USP32: variants seen among roughly 807,000 people sequenced by gnomAD.
The protein encoded by USP32 is ubiquitin specific peptidase 32.
A neutral mutation model predicts 204.8 loss-of-function variants in USP32; 59 were observed. The ratio of observed to expected loss-of-function variants is 0.29; its 90% CI spans 0.23 to 0.36. USP32 has a LOEUF of 0.36. Among genes scored for constraint, USP32 ranks in the 10% least tolerant of loss-of-function variants. The pLI, the probability that USP32 is intolerant of heterozygous loss-of-function variation, is 1.00. For missense variants in USP32, 1,160 were observed against 1,946.4 expected (o/e 0.60, Z 7.60); for synonymous variants, 517 against 678.4 (o/e 0.76, Z 3.70).
intron 9 of USP32, among the ~76,000 whole-genome samples, chr17:60,262,786 AC>A: frequency 6.6e-6 from 1 of 151,954 alleles, no homozygotes; most frequent in Non-Finnish European, 1.5e-5. Flanking sequence ...CTTCTATTCT[AC>A]CCCTAGTTGT....
At chr17:60,214,955 T>TTTTG (rs113909630) in intron 16 of USP32, among the ~76,000 whole-genome samples, 181 bp from the exon 17 acceptor site, 3,715 of 151,792 alleles carry the variant, frequency 0.024, 150 homozygotes, top group African/African-American at 0.075. Flanking sequence ...CCCAAGTTCT[T>TTTTG]TTTGTTTGTT....
intron 1 of USP32, among the ~76,000 whole-genome samples, chr17:60,401,662 C>T (rs1244110186): frequency 6.6e-6 from 1 of 150,920 alleles, no homozygotes; most frequent in African/African-American, 2.4e-5. Context: ...AGGTGGATCA[C>T]TTGAGGTCAG....
chr17:60,249,899 G>C, intron 11 of USP32: 1 of 470,176 alleles, frequency 2.1e-6, no homozygotes, highest in Non-Finnish European at 3.8e-6. Context: ...ACAAATATTT[G>C]TTTCACCTCA....
At chr17:60,191,213 C>T (rs1397005348) in intron 28 of USP32, among the ~76,000 whole-genome samples, 2 of 151,682 alleles carry the variant, frequency 1.3e-5, no homozygotes. Context: ...ACCAGTCTGA[C>T]CAACATGGTG....
chr17:60,286,928 A>G (rs947925756), intron 5 of USP32, among the ~76,000 whole-genome samples: 1 of 152,108 alleles, frequency 6.6e-6, no homozygotes. Flanking sequence ...CGGGTGGATC[A>G]CTTGAGGTCA....
At chr17:60,378,777 GA>G (rs35881318) in intron 1 of USP32, among the ~76,000 whole-genome samples, 2 of 151,912 alleles carry the variant, frequency 1.3e-5, no homozygotes, top group Non-Finnish European at 2.9e-5. Flanking sequence ...AGGGGCTGGG[GA>G]AAAAAAGGGA....
chr17:60,304,928 C>A (rs1384204098), intron 2 of USP32: 1 of 152,154 alleles, frequency 6.6e-6, no homozygotes, highest in African/African-American at 2.4e-5. Flanking sequence ...CTTTAGATGA[C>A]TCCACAAGGA....
chr17:60,401,767 T>G (rs192674091), intron 1 of USP32, among the ~76,000 whole-genome samples: 1 of 151,622 alleles, frequency 6.6e-6, no homozygotes, highest in East Asian at 1.9e-4. Context: ...TGCCTATGCA[T>G]GAACTTCAGC....
intron 2 of USP32, among the ~76,000 whole-genome samples, chr17:60,302,840 A>T (rs187100777): frequency 4.6e-5 from 7 of 152,368 alleles, no homozygotes; most frequent in Admixed American, 4.6e-4. Context: ...TAAGTATTAT[A>T]GTAATCAGAA....
At chr17:60,311,933 T>C (rs1268554551) in intron 2 of USP32, among the ~76,000 whole-genome samples, 1 of 152,182 alleles carries the variant, frequency 6.6e-6, no homozygotes, top group Non-Finnish European at 1.5e-5. Context: ...CACTGTCTAA[T>C]GGATATAAGG....
intron 3 of USP32, among the ~76,000 whole-genome samples, chr17:60,296,587 T>C (rs2087435293): frequency 6.6e-6 from 1 of 152,206 alleles, no homozygotes; most frequent in South Asian, 2.1e-4. Context: ...GGTAAATATC[T>C]GTTGTTCTAA....
Position 60,181,505 on chromosome 17 carries a change from G to A in USP32, c.4367C>T (p.Pro1456Leu). 2.5e-6 allele frequency: 4 copies of A among 1,613,986 alleles called. No individual in the cohort carries two copies. The highest frequency in any genetic ancestry group is 1.7e-4 in the Middle Eastern group (1 of 6,056). Reference protein sequence around the residue: ...SRGHVLGGSQPELVTPQDHEV... With the variant: ...SRGHVLGGSQLELVTPQDHEV... ...ATGGTCCTGAGGAGTGACCAACTCT[G>A]GTTGGCTGCCCCCCAGCACATGCCC... The change falls in exon 32 of 34, where the codon CCA becomes CTA. Residue 1456 changes from proline (P) to leucine (L), a missense_variant. Physicochemically the swap from Pro to Leu is moderately conservative, Grantham distance 98. Transcript: ENST00000300896.
rs567398894 is a variant in USP32 at position 60,248,701 on chromosome 17, G to A, written c.1136+3680C>T. ...ATTTTCTATTTGGACAAGTCAGTGAGATCATACATTCCTCTAATTCTTTAA... is the reference window on the plus strand; with the variant it reads ...ATTTTCTATTTGGACAAGTCAGTGAAATCATACATTCCTCTAATTCTTTAA... On this transcript the variant is annotated intron_variant, in intron 11 of 33. Coordinates refer to ENST00000300896, the MANE Select transcript of USP32 (RefSeq NM_032582.4). Among the ~76,000 whole-genome samples, 35 of 152,228 alleles carry A rather than the reference G, an allele frequency of 2.3e-4. No homozygotes were observed. The East Asian group carries it at 6.2e-3, about 27-fold the overall frequency.
chr17:60,220,061 C>A (rs1246167829), intron 15 of USP32, among the ~76,000 whole-genome samples: 33 of 151,074 alleles, frequency 2.2e-4, no homozygotes, highest in Non-Finnish European at 4.0e-4. Flanking sequence ...AAAAAAAAAA[C>A]CCTAAGTATT....
At chr17:60,361,003 C>T (rs1027066572) in intron 1 of USP32, among the ~76,000 whole-genome samples, 1 of 152,076 alleles carries the variant, frequency 6.6e-6, no homozygotes, top group African/African-American at 2.4e-5. Context: ...GTGGCACATG[C>T]CTGTAATTCC....
At chr17:60,289,869 A>G (rs1345402771) in intron 4 of USP32, among the ~76,000 whole-genome samples, 1 of 152,218 alleles carries the variant, frequency 6.6e-6, no homozygotes, top group Non-Finnish European at 1.5e-5. Flanking sequence ...ATAATTAGTT[A>G]CCTAAAAGAA....
At chr17:60,398,448 G>C (rs781686496) in intron 1 of USP32, among the ~76,000 whole-genome samples, 5 of 152,028 alleles carry the variant, frequency 3.3e-5, no homozygotes, top group African/African-American at 4.8e-5. Context: ...TTAGTCACTG[G>C]TGTTCTGGCC....
intron 32 of USP32, 105 bp from the exon 33 acceptor site, chr17:60,180,742 G>A (rs190871629): frequency 8.5e-6 from 10 of 1,176,050 alleles, no homozygotes; most frequent in African/African-American, 4.7e-5. Flanking sequence ...TAAATGATCA[G>A]TAGGTGAAAA....
chr17:60,227,397 G>A (rs2085424120), intron 12 of USP32, among the ~76,000 whole-genome samples: 1 of 151,112 alleles, frequency 6.6e-6, no homozygotes, highest in South Asian at 2.1e-4. Context: ...AGCCTCCCGA[G>A]TAACTGGAAT....
Sources: gnomAD v4.1 joint callset for allele counts (sites outside exome capture counted in the v4.1 genomes callset) on GRCh38, gnomAD v4.1.1 for gene constraint, MANE v1.5 for transcripts, NCBI Gene and HGNC (gene_info 2026-07-23, HGNC 2026-07-21) for gene names.